CLDN25: variants seen among roughly 807,000 people sequenced by gnomAD.
CLDN25 encodes claudin 25, also known as claudin-25.
For missense variants in CLDN25, 286 were observed against 279.7 expected (o/e 1.02, Z -0.16); for synonymous variants, 117 against 112.7 (o/e 1.04, Z -0.24).
exon 1 of CLDN25, chr11:113,780,092 C>G: frequency 1.2e-5 from 19 of 1,614,006 alleles, no homozygotes; most frequent in Non-Finnish European, 1.5e-5. Context: ...TGCTCTGCAG[C>G]TTTGGGTCTG....
At chr11:113,780,136 T>A (rs1937802122) in exon 1 of CLDN25, 1 of 1,613,886 alleles carries the variant, frequency 6.2e-7, no homozygotes, top group South Asian at 1.1e-5. Flanking sequence ...AGATGGGTAT[T>A]CAAGAGGCGG....
At chr11:113,779,841 C>T (rs866477480) in exon 1 of CLDN25, 2 of 1,613,744 alleles carry the variant, frequency 1.2e-6, no homozygotes, top group Non-Finnish European at 1.7e-6. Flanking sequence ...GGGGCTACTT[C>T]TCTCCCTCCT....
At chr11:113,780,258 G>A (rs1204544964) in exon 1 of CLDN25, 2 of 1,613,918 alleles carry the variant, frequency 1.2e-6, no homozygotes, top group Non-Finnish European at 1.7e-6. Flanking sequence ...CAGCATCCCT[G>A]ACATCATACC....
chr11:113,779,809 T>G (rs776813904), exon 1 of CLDN25: 1 of 1,610,884 alleles, frequency 6.2e-7, no homozygotes, highest in Non-Finnish European at 8.5e-7. Context: ...GCCTGGAGTT[T>G]CCGTGCAAAA....
At chr11:113,780,242 G>T (rs753693627) in exon 1 of CLDN25, 2 of 1,613,800 alleles carry the variant, frequency 1.2e-6, no homozygotes, top group Non-Finnish European at 1.7e-6. Context: ...AAGACTTCTG[G>T]GATGACAGCA....
exon 1 of CLDN25, chr11:113,780,367 A>G: frequency 1.2e-6 from 2 of 1,613,882 alleles, no homozygotes; most frequent in Non-Finnish European, 1.7e-6. Flanking sequence ...TGCCTGGGAA[A>G]AGAAGATGTG....
At chr11:113,780,361 T>G in exon 1 of CLDN25, 1 of 1,613,930 alleles carries the variant, frequency 6.2e-7, no homozygotes, top group Non-Finnish European at 8.5e-7. Flanking sequence ...TCGGCCTGCC[T>G]GGGAAAAGAA....
chr11:113,780,331 G>T, exon 1 of CLDN25: 1 of 1,613,804 alleles, frequency 6.2e-7, no homozygotes, highest in Non-Finnish European at 8.5e-7. Context: ...CTGGCTCTTG[G>T]TGGGCTACTC....
chr11:113,780,159 G>GT lies in CLDN25; in HGVS notation c.364_365insT (p.Gly122ValfsTer30), dbSNP rs1565292781. 6.2e-7 allele frequency: 1 copy of GT among 1,613,982 alleles called. No individual in the cohort carries two copies. Among genetic ancestry groups the GT allele is most frequent in the African/African-American group, 1.3e-5 (1 of 75,042 alleles). ...ATTCAAGAGGCGGCTTGGTCTCCTGGGAAGGACTTTGGAGGCATCCGCTTC... is the reference window on the plus strand; with the variant it reads ...ATTCAAGAGGCGGCTTGGTCTCCTGGTGAAGGACTTTGGAGGCATCCGCTTC... On this transcript the variant is annotated frameshift_variant, in exon 1 of 1. Coordinates refer to ENST00000453129, the Ensembl canonical transcript of CLDN25. LOFTEE classifies it low-confidence loss of function (END_TRUNC).
At chr11:113,780,434 G>T (rs1203116157) in exon 1 of CLDN25, 10 of 1,613,782 alleles carry the variant, frequency 6.2e-6, no homozygotes, top group Non-Finnish European at 7.6e-6. Context: ...CAGTGGAGGA[G>T]TCAGATGGCT....
chr11:113,780,054 T>A lies in CLDN25; in HGVS notation c.259T>A (p.Ser87Thr), dbSNP rs147182065. The A allele has an allele frequency of 3.0e-5, 49 of 1,614,042 alleles. 1 individual carries two copies. In the African/African-American group the frequency reaches 5.9e-4, roughly 19 times the overall value. The change falls in exon 1 of 1, where the codon TCC becomes ACC. Residue 87 changes from serine (S) to threonine (T), a missense_variant. By Grantham distance (58) the Ser-to-Thr change is moderately conservative. Coordinates refer to ENST00000453129, the Ensembl canonical transcript of CLDN25. Reference sequence around the variant, plus strand: ...GGTAGCCCGCATCCTCATGGTAGCCTCCCATGGGCTGGGCCTATTGGGGCT... The same window carrying A: ...GGTAGCCCGCATCCTCATGGTAGCCACCCATGGGCTGGGCCTATTGGGGCT...
exon 1 of CLDN25, chr11:113,780,226 C>T (rs1408720192): frequency 6.2e-7 from 1 of 1,613,964 alleles, no homozygotes; most frequent in South Asian, 1.1e-5. Context: ...GCCCATGCCA[C>T]AATCCAAGAC....
At chr11:113,780,379 C>T (rs1937808524) in exon 1 of CLDN25, 2 of 1,613,914 alleles carry the variant, frequency 1.2e-6, no homozygotes, top group East Asian at 2.2e-5. Flanking sequence ...GAAGATGTGC[C>T]TTTTCCTTTG....
In CLDN25 at chr11:113,780,222, G is replaced by T. The variant is rs759083664; in HGVS notation, c.427G>T (p.Ala143Ser). 1 of 1,613,928 alleles carries T rather than the reference G, an allele frequency of 6.2e-7. No individual in the cohort carries two copies. Among genetic ancestry groups the T allele is most frequent in the Admixed American group, 1.7e-5 (1 of 60,022 alleles). The stretch of plus-strand genomic sequence containing the variant: ...CCTTCCAGTCTCCTGGGTGGCCCAT[G>T]CCACAATCCAAGACTTCTGGGATGA... Residue 143 changes from alanine to serine, a missense_variant, in exon 1 of 1, where the codon GCC (alanine) becomes TCC (serine). By Grantham distance (99) the Ala-to-Ser change is moderately conservative. Coordinates refer to ENST00000453129, the Ensembl canonical transcript of CLDN25.
exon 1 of CLDN25, chr11:113,780,014 G>A: frequency 1.2e-6 from 2 of 1,614,032 alleles, no homozygotes; most frequent in African/African-American, 1.3e-5. Flanking sequence ...TCTTGTCTCT[G>A]CCCCAGGAGC....
exon 1 of CLDN25, chr11:113,780,056 C>T: frequency 6.2e-7 from 1 of 1,614,022 alleles, no homozygotes; most frequent in Non-Finnish European, 8.5e-7. Context: ...TGGTAGCCTC[C>T]CATGGGCTGG....
At position 113,780,191 on chromosome 11, in the gene CLDN25, TAC is replaced by T. The variant is rs1260203126; in HGVS notation, c.397_398del (p.Thr133ProfsTer18). 6.2e-7 allele frequency: 1 copy of T among 1,613,972 alleles called. No individual in the cohort carries two copies. Among genetic ancestry groups the T allele is most frequent in the South Asian group, 1.1e-5 (1 of 91,074 alleles). On this transcript the variant is annotated frameshift_variant, in exon 1 of 1. Coordinates refer to ENST00000453129, the Ensembl canonical transcript of CLDN25. LOFTEE classifies it low-confidence loss of function (END_TRUNC). Reference sequence around the variant, plus strand: ...CTTTGGAGGCATCCGCTTCAGCCACTACCCTCCTTCCAGTCTCCTGGGTGGCC... The same window carrying T: ...CTTTGGAGGCATCCGCTTCAGCCACTCCTCCTTCCAGTCTCCTGGGTGGCC...
chr11:113,780,365 A>G, exon 1 of CLDN25: 1 of 1,613,810 alleles, frequency 6.2e-7, no homozygotes, highest in Non-Finnish European at 8.5e-7. Context: ...CCTGCCTGGG[A>G]AAAGAAGATG....
At chr11:113,780,391 T>A (rs1391851181) in exon 1 of CLDN25, 1 of 1,613,908 alleles carries the variant, frequency 6.2e-7, no homozygotes, top group Non-Finnish European at 8.5e-7. Context: ...TTTCCTTTGA[T>A]GGCTGGTCCC....
Sources: gnomAD v4.1 joint callset for allele counts on GRCh38, gnomAD v4.1.1 for gene constraint, MANE v1.5 for transcripts, NCBI Gene and HGNC (gene_info 2026-07-23, HGNC 2026-07-21) for gene names.